The following AUTS2 variants were observed in gnomAD, a reference collection of about 807,000 sequenced individuals.
AUTS2 encodes the protein activator of transcription and developmental regulator AUTS2, also known as autism susceptibility gene 2 protein.
In AUTS2, 17 loss-of-function variants were observed where a neutral mutation model predicts 112.4. That is an observed-to-expected ratio of 0.15 (90% CI 0.10 to 0.23). The LOEUF (loss-of-function observed/expected upper bound fraction) is 0.23, where lower values mean the gene tolerates loss of function less well. Ranked by LOEUF, AUTS2 falls within the 10% of genes least tolerant of loss-of-function variation. The pLI is 1.00. For missense variants in AUTS2, 1,510 were observed against 1,701.6 expected (o/e 0.89, Z 1.98); for synonymous variants, 751 against 702.7 (o/e 1.07, Z -1.09).
chr7:70,349,675 C>T (rs1791661365), intron 4 of AUTS2, among the ~76,000 whole-genome samples: 1 of 151,186 alleles, frequency 6.6e-6, no homozygotes, highest in Non-Finnish European at 1.5e-5. Flanking sequence ...TTTTTCTTCA[C>T]ATGGTGCCTG....
chr7:69,604,909 G>A (rs762849015), intron 1 of AUTS2, among the ~76,000 whole-genome samples: 7 of 152,254 alleles, frequency 4.6e-5, no homozygotes, highest in Non-Finnish European at 1.0e-4. Context: ...TAGCTTTACA[G>A]GATGTTCATA....
chr7:70,753,878 C>T (rs1789015769), intron 6 of AUTS2, among the ~76,000 whole-genome samples: 2 of 152,160 alleles, frequency 1.3e-5, no homozygotes, highest in Non-Finnish European at 1.5e-5. Context: ...GAACATTGGC[C>T]GGGCGTGGTG....
chr7:69,825,279 A>G (rs978307864), intron 1 of AUTS2, among the ~76,000 whole-genome samples: 1 of 152,210 alleles, frequency 6.6e-6, no homozygotes, highest in Non-Finnish European at 1.5e-5. Flanking sequence ...GGGTCACATT[A>G]GAATCACTGG....
At position 70,344,805 on chromosome 7, in the gene AUTS2, C is replaced by A. The variant is rs560952983; in HGVS notation, c.661-90947C>A. 9.1e-4 allele frequency among the ~76,000 whole-genome samples: 138 copies of A among 152,318 alleles called. 1 individual carries two copies. The highest frequency in any genetic ancestry group is 3.2e-3 in the African/African-American group (135 of 41,564). On this transcript the variant is annotated intron_variant, in intron 4 of 18. Transcript: ENST00000342771. ...AGAATTACCAATACTGCTTGCAACT[C>A]CTTCCTTACTCCAAACTCTGGGATG...
chr7:70,638,239 A>G (rs922493226), intron 5 of AUTS2, among the ~76,000 whole-genome samples: 1 of 150,626 alleles, frequency 6.6e-6, no homozygotes, highest in Non-Finnish European at 1.5e-5. Context: ...TCCTGTCCAA[A>G]CCACAGAACC....
Position 69,888,220 on chromosome 7 carries a change from A to G in AUTS2, c.310-11066A>G, listed in dbSNP as rs914362049. Reference sequence around the variant, plus strand: ...TTTATAAGGAAAGGAGGTTTATTTCACTCATGGTTCTGCAGACTGTACAAG... The same window carrying G: ...TTTATAAGGAAAGGAGGTTTATTTCGCTCATGGTTCTGCAGACTGTACAAG... On this transcript the variant is annotated intron_variant, in intron 1 of 18. Transcript: ENST00000342771. 4.0e-5 allele frequency among the ~76,000 whole-genome samples: 6 copies of G among 151,792 alleles called. 1 individual carries two copies. The highest frequency in any genetic ancestry group is 1.5e-4 in the African/African-American group (6 of 41,322).
At chr7:69,877,525 G>A (rs1793855327) in intron 1 of AUTS2, among the ~76,000 whole-genome samples, 1 of 152,078 alleles carries the variant, frequency 6.6e-6, no homozygotes, top group Non-Finnish European at 1.5e-5. Context: ...TGAGTATACT[G>A]GGTGATGCTG....
At chr7:70,035,476 C>T (rs577985152) in intron 2 of AUTS2, among the ~76,000 whole-genome samples, 4 of 152,094 alleles carry the variant, frequency 2.6e-5, no homozygotes, top group Non-Finnish European at 4.4e-5. Context: ...CTGTTTTTAT[C>T]ACGTTTGATT....
chr7:70,382,760 A>G (rs992146079), intron 4 of AUTS2, among the ~76,000 whole-genome samples: 1 of 152,054 alleles, frequency 6.6e-6, no homozygotes, highest in Non-Finnish European at 1.5e-5. Context: ...GATCAGCATG[A>G]TTTTTCCTTC....
intron 5 of AUTS2, among the ~76,000 whole-genome samples, chr7:70,670,077 G>A (rs774535691): frequency 2.6e-5 from 4 of 152,148 alleles, no homozygotes; most frequent in Non-Finnish European, 4.4e-5. Context: ...GGCACACCCC[G>A]TCCCTGCTAC....
chr7:69,775,772 G>A (rs533648219), intron 1 of AUTS2, among the ~76,000 whole-genome samples: 1 of 152,304 alleles, frequency 6.6e-6, no homozygotes, highest in East Asian at 1.9e-4. Context: ...TTCTGTCAGT[G>A]CTAGAAGGAA....
chr7:69,602,034 ATATATATGTGTGTGTGTG>A (rs1792448232), intron 1 of AUTS2, among the ~76,000 whole-genome samples: 1 of 131,200 alleles, frequency 7.6e-6, no homozygotes, highest in Admixed American at 7.5e-5. Flanking sequence ...ATATATATAT[ATATATATGTGTGTGTGTG>A]TGTGTGTGTG....
At chr7:69,746,030 A>G (rs1257955352) in intron 1 of AUTS2, among the ~76,000 whole-genome samples, 1 of 151,912 alleles carries the variant, frequency 6.6e-6, no homozygotes, top group African/African-American at 2.4e-5. Flanking sequence ...TGCCTCGCTA[A>G]TTAAAAGAAT....
chr7:70,182,710 C>T (rs957772503), intron 4 of AUTS2, among the ~76,000 whole-genome samples: 2 of 151,562 alleles, frequency 1.3e-5, no homozygotes, highest in African/African-American at 4.9e-5. Flanking sequence ...CCATTCTAAG[C>T]GGGATCCTTA....
intron 5 of AUTS2, among the ~76,000 whole-genome samples, chr7:70,634,979 C>T (rs1045817896): frequency 2.0e-5 from 3 of 152,106 alleles, no homozygotes; most frequent in Non-Finnish European, 2.9e-5. Flanking sequence ...TGAAGTGAGT[C>T]ACAGAGCCTT....
At position 69,995,682 on chromosome 7, in the gene AUTS2, G is replaced by A. The variant is rs140995917; in HGVS notation, c.522+96184G>A. Among the ~76,000 whole-genome samples the A allele has an allele frequency of 5.3e-5, 8 of 152,248 alleles. No homozygotes were observed. In the South Asian group the frequency reaches 1.5e-3, roughly 28 times the overall value. On this transcript the variant is annotated intron_variant, in intron 2 of 18. Transcript: ENST00000342771. ...GTCTGCTTCCTTCATCAGAATTGCC[G>A]CTGCTGGCCTTCTGGACCATTAGAG...
chr7:69,884,625 C>T (rs974723962), intron 1 of AUTS2, among the ~76,000 whole-genome samples: 1 of 152,168 alleles, frequency 6.6e-6, no homozygotes, highest in African/African-American at 2.4e-5. Context: ...CCAATAAGTA[C>T]CTAAACATCA....
In AUTS2 at chr7:69,942,520, G is replaced by A. The variant is rs576307559; in HGVS notation, c.522+43022G>A. Among the ~76,000 whole-genome samples, 23 of 152,226 alleles carry A rather than the reference G, an allele frequency of 1.5e-4. No individual in the cohort carries two copies. In the South Asian group the frequency reaches 4.4e-3, roughly 29 times the overall value. Reference sequence around the variant, plus strand: ...ATAGGACTAATCATATACTTGCCCTGCATCTATGGTGACTTTTTTTTCTAC... The same window carrying A: ...ATAGGACTAATCATATACTTGCCCTACATCTATGGTGACTTTTTTTTCTAC... On this transcript the variant is annotated intron_variant, in intron 2 of 18. Coordinates refer to ENST00000342771, the MANE Select transcript of AUTS2 (RefSeq NM_015570.4).
chr7:70,397,066 TA>T (rs1437212988), intron 4 of AUTS2, among the ~76,000 whole-genome samples: 1 of 141,936 alleles, frequency 7.0e-6, no homozygotes, highest in African/African-American at 2.6e-5. Context: ...ATTCTTTTAT[TA>T]TTTTTTTTTT....
Sources: allele counts gnomAD v4.1 joint callset (sites outside exome capture counted in the v4.1 genomes callset), GRCh38; gene constraint gnomAD v4.1.1; transcripts MANE v1.5; gene names NCBI Gene and HGNC (gene_info 2026-07-23, HGNC 2026-07-21).